Variants in CMYA5 observed in about 807,000 individuals in gnomAD.
The protein encoded by CMYA5 is cardiomyopathy-associated protein 5.
CMYA5 carries 246 observed loss-of-function variants against 318.9 expected under a neutral mutation model. The ratio of observed to expected loss-of-function variants is 0.77; its 90% CI spans 0.70 to 0.86. The LOEUF (loss-of-function observed/expected upper bound fraction) is 0.86. CMYA5 is among the 40% of genes least tolerant of loss of function. The probability of loss-of-function intolerance (pLI) is 0.00; values close to 1 mark genes in which losing one functional copy is unlikely to be tolerated. For synonymous variants in CMYA5, 1,641 were observed against 1,729.5 expected (o/e 0.95, Z 1.27); for missense variants, 4,589 against 4,678.2 (o/e 0.98, Z 0.56).
At chr5:79,717,925 G>T (rs1411314285) in intron 1 of CMYA5, among the ~76,000 whole-genome samples, 1 of 37,628 alleles carries the variant, frequency 2.7e-5, no homozygotes. Flanking sequence ...GTCTCGCTCT[G>T]TCGCCCAGGC....
chr5:79,738,036 A>G lies in CMYA5; in HGVS notation c.9271A>G (p.Ile3091Val), dbSNP rs757564083. The G allele has an allele frequency of 6.8e-6, 11 of 1,613,208 alleles. No individual in the cohort carries two copies. The highest frequency in any genetic ancestry group is 3.3e-4 in the Middle Eastern group (2 of 6,078). Residue 3091 changes from isoleucine to valine, a missense_variant, in exon 2 of 13, where the codon ATC (isoleucine) becomes GTC (valine). Coordinates refer to ENST00000446378, the MANE Select transcript of CMYA5 (RefSeq NM_153610.5). Reference protein sequence around the residue: ...KLSKEVTEETISFPVSSVESA... With the variant: ...KLSKEVTEETVSFPVSSVESA... ...CTCAAAGGAAGTTACAGAAGAAACTATCTCTTTCCCAGTAAGTTCAGTGGA... is the reference window on the plus strand; with the variant it reads ...CTCAAAGGAAGTTACAGAAGAAACTGTCTCTTTCCCAGTAAGTTCAGTGGA...
rs752551937 is a variant in CMYA5, at chr5:79,799,355, T to C, written c.11964-15T>C. 3 of 1,584,636 alleles carry C rather than the reference T, an allele frequency of 1.9e-6. No homozygotes were observed. Among genetic ancestry groups the C allele is most frequent in the Middle Eastern group, 1.7e-4 (1 of 5,950 alleles). On this transcript the variant is annotated splice_polypyrimidine_tract_variant and intron_variant, in intron 12 of 12. Coordinates refer to ENST00000446378, the MANE Select transcript of CMYA5 (RefSeq NM_153610.5). The stretch of plus-strand genomic sequence containing the variant: ...ATTTCCAGAGTTTTATGTTTCCCAT[T>C]CGCTTTCATTTCAGATACACATTTT...
Position 79,736,201 on chromosome 5 carries a change from C to T in CMYA5, c.7436C>T (p.Ser2479Phe), listed in dbSNP as rs751797721. The T allele has an allele frequency of 2.5e-6, 4 of 1,613,684 alleles. No homozygotes were observed. The South Asian group carries it at 4.4e-5, about 18-fold the overall frequency. The change falls in exon 2 of 13, where the codon TCT becomes TTT. Residue 2479 changes from serine to phenylalanine, a missense_variant. Physicochemically the swap from Ser to Phe is radical, Grantham distance 155. Transcript: ENST00000446378. ...AAGGTGCTGGCAGAAAAACAAAACT[C>T]TGTGGCCCCATTAGAGCTTAGAGAT... ...EKKVLAEKQN[S>F]VAPLELRDSN...
At chr5:79,702,339 A>G (rs1192255340) in intron 1 of CMYA5, among the ~76,000 whole-genome samples, 1 of 151,898 alleles carries the variant, frequency 6.6e-6, no homozygotes, top group East Asian at 1.9e-4. Flanking sequence ...GCAAGCTATG[A>G]TCGGCCACTG....
chr5:79,739,312 G>A lies in CMYA5; in HGVS notation c.10547G>A (p.Cys3516Tyr), dbSNP rs757038281. 1.2e-5 allele frequency: 19 copies of A among 1,595,144 alleles called. No individual in the cohort carries two copies. Among genetic ancestry groups the A allele is most frequent in the Non-Finnish European group, 1.5e-5 (18 of 1,170,970 alleles). ...KSQIDTYCYT[C>Y]KCPISATDKV... ...CAGATTGACACATACTGTTACACCT[G>A]CAAATGTCCAATTTCTGCCACTGAC... The change falls in exon 2 of 13, where the codon TGC (cysteine) becomes TAC (tyrosine). Residue 3516 changes from cysteine to tyrosine, a missense_variant. By Grantham distance (194) the Cys-to-Tyr change is radical. Coordinates refer to ENST00000446378, the MANE Select transcript of CMYA5 (RefSeq NM_153610.5).
At chr5:79,692,214 G>T (rs748685613) in intron 1 of CMYA5, among the ~76,000 whole-genome samples, 1 of 152,120 alleles carries the variant, frequency 6.6e-6, no homozygotes, top group Non-Finnish European at 1.5e-5. Flanking sequence ...CCACCATCAC[G>T]GCCTGAGTGA....
intron 9 of CMYA5, among the ~76,000 whole-genome samples, chr5:79,775,342 G>A (rs1828920156): frequency 6.6e-6 from 1 of 152,110 alleles, no homozygotes; most frequent in African/African-American, 2.4e-5. Context: ...TTCTAACTTA[G>A]GCCTGTCAAT....
chr5:79,698,618 G>A (rs61070251), intron 1 of CMYA5, among the ~76,000 whole-genome samples: 14,839 of 152,250 alleles, frequency 0.097, 758 homozygotes, highest in East Asian at 0.16. Context: ...TGGTGCAAAT[G>A]ACGCTTTATA....
intron 2 of CMYA5, among the ~76,000 whole-genome samples, chr5:79,743,118 A>G (rs1044099092): frequency 6.6e-6 from 1 of 152,212 alleles, no homozygotes; most frequent in African/African-American, 2.4e-5. Flanking sequence ...TCAATGTTGT[A>G]TCTCCATCAG....
chr5:79,729,070 A>C lies in CMYA5; in HGVS notation c.305A>C (p.Gln102Pro), dbSNP rs752307202. 6.2e-7 allele frequency: 1 copy of C among 1,614,000 alleles called. No individual in the cohort carries two copies. Among genetic ancestry groups the C allele is most frequent in the South Asian group, 1.1e-5 (1 of 91,080 alleles). Residue 102 changes from glutamine (Q) to proline (P), a missense_variant, in exon 2 of 13, where the codon CAG (glutamine) becomes CCG (proline). By Grantham distance (76) the Gln-to-Pro change is moderately conservative. Coordinates refer to ENST00000446378, the MANE Select transcript of CMYA5 (RefSeq NM_153610.5). ...ACTCCTTGGGCTTCAGAAGAAAGTC[A>C]GACTTCTGGTGTGTGTAGTCGGGAA... ...SSTPWASEES[Q>P]TSGVCSREGS...
Position 79,728,958 on chromosome 5 carries a change from A to G in CMYA5, c.193A>G (p.Ile65Val), listed in dbSNP as rs778121717. The G allele has an allele frequency of 3.7e-6, 6 of 1,612,298 alleles. No homozygotes were observed. The Admixed American group carries it at 6.7e-5, about 18-fold the overall frequency. ...AGAGGGAAAGATCAAGCAGGAGTAT[A>G]TCATATCTGACCCCTCCTTTTCCAT... ...DEEGKIKQEY[I>V]ISDPSFSMVT... Residue 65 changes from isoleucine (I) to valine (V), a missense_variant, in exon 2 of 13, where the codon ATC becomes GTC. Transcript: ENST00000446378.
At chr5:79,748,516 TCTAC>T (rs755759972) in intron 5 of CMYA5, among the ~76,000 whole-genome samples, 7,674 of 113,032 alleles carry the variant, frequency 0.068, 337 homozygotes, top group East Asian at 0.28. Flanking sequence ...TATCTATCTA[TCTAC>T]CTATCTATCT....
At chr5:79,778,827 G>GTGTGTA (rs1192290370) in intron 9 of CMYA5, among the ~76,000 whole-genome samples, 12 of 117,812 alleles carry the variant, frequency 1.0e-4, no homozygotes, top group South Asian at 2.9e-4. Flanking sequence ...GTGTGTGTGT[G>GTGTGTA]TGTGTGTGTA....
chr5:79,792,621 TC>T (rs1287158335), intron 11 of CMYA5, among the ~76,000 whole-genome samples: 1 of 152,182 alleles, frequency 6.6e-6, no homozygotes, highest in South Asian at 2.1e-4. Flanking sequence ...CATTTTCTCA[TC>T]TGTTAAAGGG....
intron 1 of CMYA5, among the ~76,000 whole-genome samples, chr5:79,710,110 T>C (rs939186243): frequency 7.9e-5 from 12 of 152,030 alleles, no homozygotes; most frequent in African/African-American, 2.7e-4. Flanking sequence ...TATTCACATT[T>C]TGAATGCAGA....
intron 9 of CMYA5, among the ~76,000 whole-genome samples, chr5:79,786,676 A>ATTTTTGAT (rs1829087358): frequency 1.3e-5 from 2 of 152,218 alleles, no homozygotes; most frequent in South Asian, 4.1e-4. Flanking sequence ...AAATTCCAGA[A>ATTTTTGAT]TTTTTGAAGT....
intron 9 of CMYA5, among the ~76,000 whole-genome samples, chr5:79,776,737 T>C (rs1159452893): frequency 6.6e-6 from 1 of 152,098 alleles, no homozygotes; most frequent in African/African-American, 2.4e-5. Context: ...ACTGCCTGAA[T>C]GTTGGTGCTG....
In CMYA5 at chr5:79,729,928, C is replaced by T. The variant is rs375863840; in HGVS notation, c.1163C>T (p.Thr388Ile). 2 of 1,613,820 alleles carry T rather than the reference C, an allele frequency of 1.2e-6. No homozygotes were observed. The highest frequency in any genetic ancestry group is 1.7e-6 in the Non-Finnish European group (2 of 1,179,822). ...PPSVTPDTPA[T>I]MFLRTTKEEC... The stretch of plus-strand genomic sequence containing the variant: ...TCTGTGACACCCGACACACCTGCAA[C>T]TATGTTCCTGAGAACAACAAAGGAA... The change falls in exon 2 of 13, where the codon ACT becomes ATT. Residue 388 changes from threonine to isoleucine, a missense_variant. Around this residue, in one of 3 missense-constraint regions of CMYA5, gnomAD observed 2,132 missense variants for 2,131.3 expected, o/e 1.00. Transcript: ENST00000446378.
Position 79,736,470 on chromosome 5 carries a change from A to C in CMYA5, c.7705A>C (p.Ser2569Arg). The change falls in exon 2 of 13, where the codon AGT becomes CGT. Residue 2569 changes from serine to arginine, a missense_variant. This residue lies in a region of CMYA5 where 2,431 missense variants were observed against 2,495.1 expected (regional missense o/e 0.97). Coordinates refer to ENST00000446378, the MANE Select transcript of CMYA5 (RefSeq NM_153610.5). The part of the protein sequence containing the change: ...PYSVNVAESM[S>R]RESDISLGHS... ...TTCTGTGAATGTAGCCGAGTCTATGAGTAGAGAATCAGATATCTCTTTAGG... is the reference window on the plus strand; with the variant it reads ...TTCTGTGAATGTAGCCGAGTCTATGCGTAGAGAATCAGATATCTCTTTAGG... 1 of 1,610,700 alleles carries C rather than the reference A, an allele frequency of 6.2e-7. No individual in the cohort carries two copies. Among genetic ancestry groups the C allele is most frequent in the Non-Finnish European group, 8.5e-7 (1 of 1,178,162 alleles).
Sources: gnomAD v4.1 joint callset for allele counts (sites outside exome capture counted in the v4.1 genomes callset) on GRCh38, gnomAD v4.1.1 for gene constraint, gnomAD v4.1.1 regional missense constraint, MANE v1.5 for transcripts, NCBI Gene and HGNC (gene_info 2026-07-23, HGNC 2026-07-21) for gene names.